ROS1: variants seen among roughly 807,000 people sequenced by gnomAD.
ROS1 encodes proto-oncogene tyrosine-protein kinase ROS.
In ROS1, 263 loss-of-function variants were observed where a neutral mutation model predicts 273.5. The observed-to-expected ratio is 0.96, with a 90% confidence interval of 0.87 to 1.06. The LOEUF (loss-of-function observed/expected upper bound fraction) is 1.06. Among genes scored for constraint, ROS1 ranks in the 50% least tolerant of loss-of-function variants. The pLI, the probability that ROS1 is intolerant of heterozygous loss-of-function variation, is 0.00. For missense variants in ROS1, 2,833 were observed against 2,751.1 expected (o/e 1.03, Z -0.67); for synonymous variants, 1,008 against 954.1 (o/e 1.06, Z -1.04).
intron 43 of ROS1, among the ~76,000 whole-genome samples, chr6:117,292,792 T>C (rs1481067213): frequency 6.6e-6 from 1 of 152,220 alleles, no homozygotes; most frequent in Non-Finnish European, 1.5e-5. Context: ...AACTTTCTCC[T>C]TTCTCTTTTT....
chr6:117,386,618 G>A (rs1217767124), intron 15 of ROS1, among the ~76,000 whole-genome samples: 1 of 152,198 alleles, frequency 6.6e-6, no homozygotes, highest in East Asian at 1.9e-4. Context: ...AGATGGCATT[G>A]GTAGATTAAT....
intron 12 of ROS1, among the ~76,000 whole-genome samples, chr6:117,392,164 A>C (rs1324952770): frequency 6.6e-6 from 1 of 152,220 alleles, no homozygotes; most frequent in Non-Finnish European, 1.5e-5. Context: ...AGATCCAGAG[A>C]ATCCTTGTCC....
intron 39 of ROS1, among the ~76,000 whole-genome samples, chr6:117,312,404 G>C (rs778944539): frequency 6.6e-6 from 1 of 152,086 alleles, no homozygotes; most frequent in Non-Finnish European, 1.5e-5. Context: ...CCATGGTTCT[G>C]CTCAGCCACA....
At chr6:117,351,658 C>T (rs183669266) in intron 27 of ROS1, among the ~76,000 whole-genome samples, 1 of 152,102 alleles carries the variant, frequency 6.6e-6, no homozygotes, top group Non-Finnish European at 1.5e-5. Context: ...AATTGTAATT[C>T]TCTGTATTTA....
Position 117,385,671 on chromosome 6 carries a change from G to A in ROS1, c.2289+12C>T. 6.2e-7 allele frequency: 1 copy of A among 1,613,016 alleles called. No homozygotes were observed. Among genetic ancestry groups the A allele is most frequent in the Non-Finnish European group, 8.5e-7 (1 of 1,179,596 alleles). The stretch of plus-strand genomic sequence containing the variant: ...CATTCTAGAGCATCCAGAATGCCAT[G>A]CTTTAACTCACCACATATGTCTTTC... On this transcript the variant is annotated intron_variant, in intron 16 of 43. Transcript: ENST00000368507.
chr6:117,356,614 A>G lies in ROS1; in HGVS notation c.4126+15T>C. 6.2e-7 allele frequency: 1 copy of G among 1,600,630 alleles called. No individual in the cohort carries two copies. The highest frequency in any genetic ancestry group is 8.5e-7 in the Non-Finnish European group (1 of 1,171,104). On this transcript the variant is annotated intron_variant, in intron 26 of 43. Transcript: ENST00000368507. ...CTTATTAACAAATATCTGTGCACATACATCAGCATCTTACCGAGCATAGCA... is the reference window on the plus strand; with the variant it reads ...CTTATTAACAAATATCTGTGCACATGCATCAGCATCTTACCGAGCATAGCA...
intron 42 of ROS1, among the ~76,000 whole-genome samples, chr6:117,308,507 G>A (rs1446586100): frequency 6.6e-6 from 1 of 151,590 alleles, no homozygotes; most frequent in East Asian, 1.9e-4. Flanking sequence ...ACATACACTC[G>A]GAGTGCTTTT....
At chr6:117,413,910 G>A (rs921651829) in intron 4 of ROS1, among the ~76,000 whole-genome samples, 2 of 152,110 alleles carry the variant, frequency 1.3e-5, no homozygotes, top group African/African-American at 4.8e-5. Flanking sequence ...AAACCTGGGA[G>A]GCAGAGGTTG....
At chr6:117,309,514 G>A (rs1346851265) in intron 41 of ROS1, among the ~76,000 whole-genome samples, 2 of 152,126 alleles carry the variant, frequency 1.3e-5, no homozygotes, top group Non-Finnish European at 2.9e-5. Context: ...TGGCAGCACT[G>A]AGAAATTTTA....
intron 32 of ROS1, 30 bp downstream of exon 32, chr6:117,337,142 T>C: frequency 1.9e-6 from 3 of 1,558,476 alleles, no homozygotes; most frequent in Non-Finnish European, 2.6e-6. Context: ...AACACAGAGT[T>C]TTCTGAGTAT....
chr6:117,349,009 T>G (rs1040357337), intron 27 of ROS1, among the ~76,000 whole-genome samples: 8 of 152,028 alleles, frequency 5.3e-5, no homozygotes, highest in Non-Finnish European at 1.5e-5. Flanking sequence ...TCTTGGTGAA[T>G]GTTCCATGTG....
intron 16 of ROS1, among the ~76,000 whole-genome samples, chr6:117,385,181 A>G (rs530506276): frequency 1.3e-5 from 2 of 152,302 alleles, no homozygotes; most frequent in South Asian, 4.1e-4. Flanking sequence ...TCATGTATTT[A>G]TTTAAATTAT....
At chr6:117,374,091 A>T (rs116979572) in intron 18 of ROS1, among the ~76,000 whole-genome samples, 57 of 152,286 alleles carry the variant, frequency 3.7e-4, no homozygotes, top group African/African-American at 1.4e-3. Flanking sequence ...ATTCAATGTA[A>T]TTCCCATTGA....
At chr6:117,382,829 A>C (rs1772263171) in intron 17 of ROS1, among the ~76,000 whole-genome samples, 1 of 152,136 alleles carries the variant, frequency 6.6e-6, no homozygotes, top group Non-Finnish European at 1.5e-5. Flanking sequence ...AGGTAGAATA[A>C]TAGTTAACAG....
chr6:117,357,087 G>A (rs1779383825), intron 25 of ROS1, among the ~76,000 whole-genome samples, 172 bp from the exon 26 acceptor site: 1 of 152,202 alleles, frequency 6.6e-6, no homozygotes, highest in Non-Finnish European at 1.5e-5. Context: ...GAAGTCACAA[G>A]AAGTCTAACT....
chr6:117,414,463 G>C (rs1174594832), intron 4 of ROS1, 56 bp downstream of exon 4: 1 of 725,182 alleles, frequency 1.4e-6, no homozygotes, highest in African/African-American at 1.8e-5. Context: ...GCTTTTTAGA[G>C]ACCAGAGATG....
rs1477303733 is a variant in ROS1, at chr6:117,356,990, G to A, written c.3840-75C>T. The A allele has an allele frequency of 1.4e-5, 17 of 1,251,296 alleles. No homozygotes were observed. In the African/African-American group the frequency reaches 2.1e-4, roughly 15 times the overall value. The allele number at this position is 1,251,296 out of a possible 1,614,324, so 77.5% of individuals were successfully genotyped here. ...TTCAAATATTGGTTTCTAATGCAGA[G>A]CAACTATTGCTAATGACTGTGAGGG... On this transcript the variant is annotated intron_variant, in intron 25 of 43. Transcript: ENST00000368507.
chr6:117,318,599 G>A (rs1408475381), intron 37 of ROS1, among the ~76,000 whole-genome samples: 2 of 151,728 alleles, frequency 1.3e-5, no homozygotes, highest in African/African-American at 2.4e-5. Context: ...TTATTTCTTG[G>A]AGGCCAGGTT....
chr6:117,392,811 A>G lies in ROS1; in HGVS notation c.1289+413T>C, dbSNP rs548577127. On this transcript the variant is annotated intron_variant, in intron 12 of 43. Coordinates refer to ENST00000368507, the MANE Select transcript of ROS1 (RefSeq NM_001378902.1). ...TCTTGATAGATGTGAGAACCAAACC[A>G]GAGGAATGAACTACAGTTGAATGGC... 3.3e-5 allele frequency among the ~76,000 whole-genome samples: 5 copies of G among 152,298 alleles called. No individual in the cohort carries two copies. The South Asian group carries it at 1.0e-3, about 32-fold the overall frequency.
Sources: allele counts gnomAD v4.1 joint callset (sites outside exome capture counted in the v4.1 genomes callset), GRCh38; gene constraint gnomAD v4.1.1; transcripts MANE v1.5; gene names NCBI Gene and HGNC (gene_info 2026-07-23, HGNC 2026-07-21).